KIF26B: variants seen among roughly 807,000 people sequenced by gnomAD.
The protein encoded by KIF26B is kinesin family member 26B, also known as kinesin-like protein KIF26B.
KIF26B carries 63 observed loss-of-function variants against 151.2 expected under a neutral mutation model. The ratio of observed to expected loss-of-function variants is 0.42; its 90% CI spans 0.34 to 0.51. The LOEUF is 0.51. KIF26B is among the 20% of genes least tolerant of loss of function. The pLI is 0.07. For synonymous variants in KIF26B, 1,357 were observed against 1,262.1 expected (o/e 1.08, Z -1.59); for missense variants, 2,813 against 2,913.6 (o/e 0.97, Z 0.79).
chr1:245,450,530 A>G (rs558272727), intron 4 of KIF26B, among the ~76,000 whole-genome samples: 2 of 152,336 alleles, frequency 1.3e-5, no homozygotes, highest in African/African-American at 2.4e-5. Flanking sequence ...GCTGCGTGAG[A>G]CTAATGATGG....
chr1:245,175,586 T>G (rs1668789274), intron 2 of KIF26B, among the ~76,000 whole-genome samples: 1 of 152,122 alleles, frequency 6.6e-6, no homozygotes, highest in African/African-American at 2.4e-5. Flanking sequence ...TTCTTTGAGA[T>G]TCTGTCAATG....
At chr1:245,487,099 T>TGG (rs11385851) in intron 4 of KIF26B, among the ~76,000 whole-genome samples, 364 of 151,502 alleles carry the variant, frequency 2.4e-3, no homozygotes, top group African/African-American at 6.8e-3. Context: ...GAATTGAGAA[T>TGG]GGGGGGGGTG....
intron 2 of KIF26B, among the ~76,000 whole-genome samples, chr1:245,211,953 G>A (rs1020678990): frequency 1.4e-4 from 22 of 152,254 alleles, no homozygotes; most frequent in African/African-American, 5.3e-4. Flanking sequence ...GCTCCTCAGC[G>A]GGGGCCTGGG....
At chr1:245,320,593 G>A (rs1018799288) in intron 2 of KIF26B, among the ~76,000 whole-genome samples, 3 of 152,226 alleles carry the variant, frequency 2.0e-5, no homozygotes, top group Non-Finnish European at 4.4e-5. Context: ...TCCCCAAAGT[G>A]AGATGTGTTG....
chr1:245,160,560 C>T (rs889540054), intron 2 of KIF26B, among the ~76,000 whole-genome samples: 2 of 151,924 alleles, frequency 1.3e-5, no homozygotes, highest in African/African-American at 4.8e-5. Flanking sequence ...AACAGCCCAA[C>T]GAAATTCCCT....
At chr1:245,249,313 A>G (rs1670395462) in intron 2 of KIF26B, among the ~76,000 whole-genome samples, 1 of 151,336 alleles carries the variant, frequency 6.6e-6, no homozygotes, top group African/African-American at 2.4e-5. Context: ...GTTAGCTGGG[A>G]TGGTCTCGAT....
intron 5 of KIF26B, among the ~76,000 whole-genome samples, chr1:245,596,669 T>C (rs1209227713): frequency 6.6e-6 from 1 of 152,228 alleles, no homozygotes; most frequent in Admixed American, 6.5e-5. Context: ...AGTCCTGAGC[T>C]GAGTTCAAGC....
At chr1:245,528,445 G>C (rs113844338) in intron 4 of KIF26B, among the ~76,000 whole-genome samples, 12 of 152,142 alleles carry the variant, frequency 7.9e-5, no homozygotes, top group Non-Finnish European at 1.3e-4. Flanking sequence ...ATTGTCCAAC[G>C]TACTTCTGCT....
At chr1:245,426,764 A>G (rs903143488) in intron 4 of KIF26B, among the ~76,000 whole-genome samples, 13 of 152,138 alleles carry the variant, frequency 8.5e-5, no homozygotes, top group African/African-American at 3.1e-4. Flanking sequence ...TTCTCTTGTT[A>G]GTTCCCTGTG....
Position 245,227,880 on chromosome 1 carries a change from T to A in KIF26B, c.465+71197T>A, listed in dbSNP as rs926531216. Among the ~76,000 whole-genome samples the A allele has an allele frequency of 6.6e-6, 1 of 152,062 alleles. No individual in the cohort carries two copies. The highest frequency in any genetic ancestry group is 2.4e-5 in the African/African-American group (1 of 41,398). ...AGCCGGGCATGGTGGCGGGCACCTG[T>A]AATCCCAGCTACTTAGGAGGCTGAG... is the stretch of plus-strand genomic sequence containing the variant. On this transcript the variant is annotated intron_variant, in intron 2 of 14. Transcript: ENST00000407071. The surrounding 1 kb of genome is among the most constrained non-coding windows in gnomAD (Gnocchi z 4.1).
At chr1:245,559,253 A>T (rs893318354) in intron 5 of KIF26B, among the ~76,000 whole-genome samples, 3 of 152,166 alleles carry the variant, frequency 2.0e-5, no homozygotes, top group Non-Finnish European at 2.9e-5. Flanking sequence ...CAGGAGAATC[A>T]CTTGAGCCCG....
chr1:245,562,388 G>A (rs921877916), intron 5 of KIF26B, among the ~76,000 whole-genome samples: 1 of 152,072 alleles, frequency 6.6e-6, no homozygotes, highest in Non-Finnish European at 1.5e-5. Flanking sequence ...GGGGTCTTCA[G>A]GGAGAAATTT....
chr1:245,632,458 T>C (rs1406289478), intron 9 of KIF26B, among the ~76,000 whole-genome samples: 1 of 152,260 alleles, frequency 6.6e-6, no homozygotes, highest in African/African-American at 2.4e-5. Flanking sequence ...TCATGGAGAA[T>C]ATTCCATGTA....
chr1:245,174,488 C>T (rs985479932), intron 2 of KIF26B, among the ~76,000 whole-genome samples: 20 of 148,768 alleles, frequency 1.3e-4, no homozygotes, highest in African/African-American at 4.7e-4. Context: ...TATTCAGCAA[C>T]TATGTATGTA....
intron 2 of KIF26B, among the ~76,000 whole-genome samples, chr1:245,347,597 A>T (rs1248048692): frequency 1.3e-5 from 2 of 152,204 alleles, no homozygotes; most frequent in African/African-American, 4.8e-5. Context: ...AGCAGGCGTG[A>T]GCCACTGCAC....
chr1:245,223,151 A>C (rs902600550), intron 2 of KIF26B, among the ~76,000 whole-genome samples: 2 of 152,176 alleles, frequency 1.3e-5, no homozygotes, highest in African/African-American at 4.8e-5. Context: ...CACAGCCTGC[A>C]TTCCACATGG....
At chr1:245,332,369 G>A (rs1672131045) in intron 2 of KIF26B, among the ~76,000 whole-genome samples, 1 of 152,138 alleles carries the variant, frequency 6.6e-6, no homozygotes, top group African/African-American at 2.4e-5. Flanking sequence ...TAGCATTTCA[G>A]GTCAGAATGG....
chr1:245,290,683 C>T (rs1466521942), intron 2 of KIF26B, among the ~76,000 whole-genome samples: 3 of 152,188 alleles, frequency 2.0e-5, no homozygotes, highest in Non-Finnish European at 2.9e-5. Context: ...TGACCTGTAT[C>T]TTGTGCCAAC....
At chr1:245,427,263 G>C (rs1658669821) in intron 4 of KIF26B, among the ~76,000 whole-genome samples, 1 of 152,168 alleles carries the variant, frequency 6.6e-6, no homozygotes, top group Non-Finnish European at 1.5e-5. Context: ...TTCACAACTT[G>C]GAACAGTTAA....
Sources: gnomAD v4.1 joint callset for allele counts (sites outside exome capture counted in the v4.1 genomes callset) on GRCh38, gnomAD v4.1.1 for gene constraint, Gnocchi (gnomAD v3.1) non-coding constraint, MANE v1.5 for transcripts, NCBI Gene and HGNC (gene_info 2026-07-23, HGNC 2026-07-21) for gene names.